TAFA5: variants seen among roughly 807,000 people sequenced by gnomAD.
TAFA5 encodes TAFA chemokine like family member 5, also known as chemokine-like protein TAFA-5.
TAFA5 carries 6 observed loss-of-function variants against 15.3 expected under a neutral mutation model. That is an observed-to-expected ratio of 0.39 (90% CI 0.21 to 0.77). The LOEUF (loss-of-function observed/expected upper bound fraction) is 0.77, where lower values mean the gene tolerates loss of function less well. Ranked by LOEUF, TAFA5 falls within the 30% of genes least tolerant of loss-of-function variation. TAFA5 has a pLI of 0.41. For synonymous variants in TAFA5, 103 were observed against 80.7 expected, an observed-to-expected ratio of 1.28 and a Z score of -1.48; for missense variants, 161 against 193.1, an observed-to-expected ratio of 0.83 and a Z score of 0.98.
chr22:48,602,794 C>G (rs1051062505), intron 1 of TAFA5, among the ~76,000 whole-genome samples: 1 of 152,140 alleles, frequency 6.6e-6, no homozygotes, highest in African/African-American at 2.4e-5. Flanking sequence ...CAGTGGGTGC[C>G]AAGAGATGGT....
intron 3 of TAFA5, among the ~76,000 whole-genome samples, chr22:48,743,183 G>A (rs957768292): frequency 6.6e-6 from 1 of 152,128 alleles, no homozygotes; most frequent in Non-Finnish European, 1.5e-5. Flanking sequence ...GGAGGCAGCA[G>A]CAGAGGGTCC....
At chr22:48,537,300 G>A (rs1417260370) in intron 1 of TAFA5, among the ~76,000 whole-genome samples, 1 of 152,216 alleles carries the variant, frequency 6.6e-6, no homozygotes, top group Non-Finnish European at 1.5e-5. Flanking sequence ...CTCTGTTCTT[G>A]GTGCATTTCC....
At chr22:48,646,416 C>T (rs1311614257) in intron 1 of TAFA5, among the ~76,000 whole-genome samples, 181 bp from the exon 2 acceptor site, 1 of 152,238 alleles carries the variant, frequency 6.6e-6, no homozygotes, top group African/African-American at 2.4e-5. Flanking sequence ...CTCTGGCTTC[C>T]ATCGAGCGCT....
At chr22:48,528,110 A>G (rs549484519) in intron 1 of TAFA5, among the ~76,000 whole-genome samples, 1 of 152,292 alleles carries the variant, frequency 6.6e-6, no homozygotes, top group East Asian at 1.9e-4. Context: ...CCTCCTCCAC[A>G]GGCCCCGCGA....
Position 48,489,759 on chromosome 22 carries a change from C to T in TAFA5, c.112+55C>T. The T allele has an allele frequency of 8.7e-7, 1 of 1,148,038 alleles. No individual in the cohort carries two copies. The highest frequency in any genetic ancestry group is 2.3e-5 in the South Asian group (1 of 43,472). 71.1% of individuals were successfully genotyped at this position (1,148,038 alleles called of 1,614,324 possible). On this transcript the variant is annotated intron_variant, in intron 1 of 3. Coordinates refer to ENST00000402357, the MANE Select transcript of TAFA5 (RefSeq NM_001082967.3). This position sits in a 1 kb window ranked among gnomAD's most constrained non-coding sequence, Gnocchi z 5.5. ...CGGCCCTCTGGGCCCCGGACCCCCTCCTCCGGCCCCGGCAGGCGCCCCGCG... is the reference window on the plus strand; with the variant it reads ...CGGCCCTCTGGGCCCCGGACCCCCTTCTCCGGCCCCGGCAGGCGCCCCGCG...
intron 1 of TAFA5, chr22:48,545,093 C>T (rs1020759227): frequency 2.3e-5 from 8 of 354,574 alleles, no homozygotes; most frequent in East Asian, 1.5e-4. Flanking sequence ...GATGGATTCC[C>T]GGATCATGAG....
At chr22:48,599,604 T>C (rs1924889732) in intron 1 of TAFA5, among the ~76,000 whole-genome samples, 1 of 152,204 alleles carries the variant, frequency 6.6e-6, no homozygotes, top group Middle Eastern at 3.2e-3. Context: ...CCCTGGACCC[T>C]GTGCGTGCCA....
chr22:48,623,576 C>T (rs897239527), intron 1 of TAFA5, among the ~76,000 whole-genome samples: 2 of 152,212 alleles, frequency 1.3e-5, no homozygotes, highest in African/African-American at 2.4e-5. Flanking sequence ...GGCGGCTCAT[C>T]GCTGAGTGCC....
chr22:48,711,586 C>T (rs936300298), intron 3 of TAFA5, among the ~76,000 whole-genome samples: 4 of 152,142 alleles, frequency 2.6e-5, no homozygotes, highest in Non-Finnish European at 5.9e-5. Flanking sequence ...CCCAGTTGTG[C>T]GATTGCATCT....
intron 1 of TAFA5, among the ~76,000 whole-genome samples, chr22:48,579,130 C>G (rs115147989): frequency 9.5e-6 from 1 of 104,866 alleles, no homozygotes; most frequent in Non-Finnish European, 2.2e-5. Flanking sequence ...GCTAATCCGT[C>G]CCCCCCTGGC....
chr22:48,571,107 C>G (rs1037387680), intron 1 of TAFA5, among the ~76,000 whole-genome samples: 2 of 152,116 alleles, frequency 1.3e-5, no homozygotes, highest in Non-Finnish European at 2.9e-5. Flanking sequence ...AAATGGTATG[C>G]ATCGTTGACT....
In TAFA5 at chr22:48,540,240, G is replaced by A. The variant is rs542015305; in HGVS notation, c.112+50536G>A. On this transcript the variant is annotated intron_variant, in intron 1 of 3. Transcript: ENST00000402357. ...TGAATTCATTTCCCACTGCAGCACC[G>A]GTGCAGGTGGGAAATAGAAGGGACC... Among the ~76,000 whole-genome samples, 140 of 152,186 alleles carry A rather than the reference G, an allele frequency of 9.2e-4. 1 individual carries two copies. The highest frequency in any genetic ancestry group is 2.9e-3 in the African/African-American group (120 of 41,542).
At position 48,679,144 on chromosome 22, in the gene TAFA5, T is replaced by C. The variant is rs367892300; in HGVS notation, c.263-28573T>C. Among the ~76,000 whole-genome samples the C allele has an allele frequency of 4.6e-4, 7 of 15,124 alleles. 1 individual carries two copies. Among genetic ancestry groups the C allele is most frequent in the East Asian group, 5.3e-3 (2 of 380 alleles). 9.9% of individuals were successfully genotyped at this position (15,124 alleles called of 152,430 possible). ...CCTGTCCATCCCTCTCCCGGCTCCC[T>C]GTCCATCCCTCTCCCGGCTCGGCGT... On this transcript the variant is annotated intron_variant, in intron 2 of 3. Transcript: ENST00000402357.
chr22:48,543,034 G>A (rs1012278005), intron 1 of TAFA5, among the ~76,000 whole-genome samples: 4 of 151,910 alleles, frequency 2.6e-5, no homozygotes, highest in African/African-American at 9.7e-5. Context: ...TCTACATAGT[G>A]GGACCCCGAT....
chr22:48,667,796 A>G (rs62224976), intron 2 of TAFA5, among the ~76,000 whole-genome samples: 2,681 of 8,826 alleles, frequency 0.3, 300 homozygotes, highest in East Asian at 0.71. Context: ...AGCACTCAGG[A>G]CCGCGTCTTC....
intron 1 of TAFA5, among the ~76,000 whole-genome samples, chr22:48,584,781 C>T (rs529150765): frequency 2.1e-4 from 32 of 150,910 alleles, no homozygotes; most frequent in Admixed American, 7.9e-4. Flanking sequence ...ACATCACACA[C>T]GCTACATGCC....
Position 48,524,564 on chromosome 22 carries a change from A to T in TAFA5, c.112+34860A>T, listed in dbSNP as rs979772132. ...ATCAGCCCTCCCCTCCTCCCAAAACACTCGGGATGGCTGGAAGCTGGAGCC... is the reference window on the plus strand; with the variant it reads ...ATCAGCCCTCCCCTCCTCCCAAAACTCTCGGGATGGCTGGAAGCTGGAGCC... On this transcript the variant is annotated intron_variant, in intron 1 of 3. Transcript: ENST00000402357. 8.6e-5 allele frequency among the ~76,000 whole-genome samples: 13 copies of T among 151,904 alleles called. No homozygotes were observed. In the East Asian group the frequency reaches 2.3e-3, roughly 27 times the overall value.
intron 1 of TAFA5, among the ~76,000 whole-genome samples, chr22:48,610,528 CGG>C (rs1569046571): frequency 1.3e-5 from 2 of 150,556 alleles, no homozygotes; most frequent in South Asian, 2.1e-4. Flanking sequence ...ATCCCCAGCA[CGG>C]AGGAGCAGAG....
rs983907952 is a variant in TAFA5, at chr22:48,511,581, T to G, written c.112+21877T>G. On this transcript the variant is annotated intron_variant, in intron 1 of 3. Coordinates refer to ENST00000402357, the MANE Select transcript of TAFA5 (RefSeq NM_001082967.3). ...GCCCTCGCCCAGGTCAAGACAAAAC[T>G]CTGTGTTTTCTCCAACAGACAGAGG... 7.2e-5 allele frequency among the ~76,000 whole-genome samples: 11 copies of G among 152,184 alleles called. No homozygotes were observed. The South Asian group carries it at 2.1e-3, about 29-fold the overall frequency.
Sources: gnomAD v4.1 joint callset for allele counts (sites outside exome capture counted in the v4.1 genomes callset) on GRCh38, gnomAD v4.1.1 for gene constraint, Gnocchi (gnomAD v3.1) non-coding constraint, MANE v1.5 for transcripts, NCBI Gene and HGNC (gene_info 2026-07-23, HGNC 2026-07-21) for gene names.